NKAIN3: variants seen among roughly 807,000 people sequenced by gnomAD.
NKAIN3 encodes sodium/potassium-transporting ATPase subunit beta-1-interacting protein 3.
NKAIN3 carries 25 observed loss-of-function variants against 30.2 expected under a neutral mutation model. The ratio of observed to expected loss-of-function variants is 0.83; its 90% CI spans 0.60 to 1.16. The LOEUF is 1.16. Ranked by LOEUF, NKAIN3 falls within the 50% of genes most tolerant of loss-of-function variation. The pLI is 0.00. For synonymous variants in NKAIN3, 91 were observed against 89.6 expected, an observed-to-expected ratio of 1.02 and a Z score of -0.09; for missense variants, 225 against 254.1, an observed-to-expected ratio of 0.89 and a Z score of 0.78.
intron 1 of NKAIN3, among the ~76,000 whole-genome samples, chr8:62,275,816 A>G (rs1308846354): frequency 6.6e-6 from 1 of 152,184 alleles, no homozygotes; most frequent in Non-Finnish European, 1.5e-5. Flanking sequence ...TGGAGATAAT[A>G]TATTGAATAG....
At chr8:62,516,726 A>G (rs1245382597) in intron 1 of NKAIN3, among the ~76,000 whole-genome samples, 1 of 152,134 alleles carries the variant, frequency 6.6e-6, no homozygotes, top group African/African-American at 2.4e-5. Flanking sequence ...TGGCTAAGTT[A>G]TTCCCTAGAA....
chr8:62,840,821 C>T (rs1435640652), intron 4 of NKAIN3, among the ~76,000 whole-genome samples: 2 of 152,078 alleles, frequency 1.3e-5, no homozygotes, highest in African/African-American at 4.8e-5. Flanking sequence ...CTACTGAGAA[C>T]ATCTGAGAAA....
chr8:62,644,833 T>C (rs2130310437), intron 3 of NKAIN3, among the ~76,000 whole-genome samples: 1 of 152,300 alleles, frequency 6.6e-6, no homozygotes, highest in South Asian at 2.1e-4. Context: ...TAATAACTGG[T>C]TGCTGATCAA....
chr8:62,427,371 A>G (rs1804839505), intron 1 of NKAIN3, among the ~76,000 whole-genome samples: 2 of 152,014 alleles, frequency 1.3e-5, no homozygotes, highest in African/African-American at 2.4e-5. Flanking sequence ...TTCTGAGGCT[A>G]TGATGTGGAC....
intron 1 of NKAIN3, among the ~76,000 whole-genome samples, chr8:62,254,947 G>A (rs1812218808): frequency 6.6e-6 from 1 of 152,138 alleles, no homozygotes; most frequent in South Asian, 2.1e-4. Context: ...TTGTTTTTAT[G>A]AACAATTGAG....
chr8:62,342,235 C>CAAAAAAA (rs3058285), intron 1 of NKAIN3, among the ~76,000 whole-genome samples: 2 of 124,778 alleles, frequency 1.6e-5, no homozygotes, highest in African/African-American at 3.2e-5. Context: ...ACCACTGAAC[C>CAAAAAAA]AAAAAAAAAA....
At chr8:62,785,154 G>C (rs969712844) in intron 4 of NKAIN3, among the ~76,000 whole-genome samples, 2 of 152,042 alleles carry the variant, frequency 1.3e-5, no homozygotes. Context: ...ACAAAAATTT[G>C]TACACAAATG....
At chr8:62,501,230 G>A (rs963081998) in intron 1 of NKAIN3, among the ~76,000 whole-genome samples, 1 of 152,020 alleles carries the variant, frequency 6.6e-6, no homozygotes, top group Non-Finnish European at 1.5e-5. Flanking sequence ...GGGAGATAAA[G>A]GAAGAAATCA....
chr8:62,879,969 G>C (rs923128055), intron 4 of NKAIN3, among the ~76,000 whole-genome samples: 5 of 152,090 alleles, frequency 3.3e-5, no homozygotes, highest in African/African-American at 1.2e-4. Flanking sequence ...CATCTTCTGA[G>C]ATCACCTTAT....
At position 62,886,579 on chromosome 8, in the gene NKAIN3, C is replaced by A. The variant is rs553820979; in HGVS notation, c.472-31874C>A. 1.6e-3 allele frequency among the ~76,000 whole-genome samples: 242 copies of A among 152,012 alleles called. 1 individual carries two copies. Among genetic ancestry groups the A allele is most frequent in the Middle Eastern group, 6.8e-3 (2 of 294 alleles). On this transcript the variant is annotated intron_variant, in intron 4 of 6. Transcript: ENST00000623646. ...TTATTTTATAATAAAATCTTTATTT[C>A]TTCTTCAGTTTAAAGGGATAATTTC...
At chr8:62,652,462 C>A (rs1399516531) in intron 3 of NKAIN3, among the ~76,000 whole-genome samples, 1 of 152,246 alleles carries the variant, frequency 6.6e-6, no homozygotes, top group South Asian at 2.1e-4. Context: ...CATTTGTTCT[C>A]ACAATAAAGA....
intron 4 of NKAIN3, among the ~76,000 whole-genome samples, chr8:62,788,421 A>G (rs1326148681): frequency 1.3e-5 from 2 of 152,006 alleles, no homozygotes; most frequent in African/African-American, 2.4e-5. Context: ...TTCATTGTAG[A>G]TTCTGGATAT....
chr8:62,920,515 C>A (rs7014483), intron 5 of NKAIN3, among the ~76,000 whole-genome samples: 80,786 of 152,006 alleles, frequency 0.53, 21,824 homozygotes, highest in East Asian at 0.71. Context: ...CTTCTGTTAA[C>A]TTTCTATTAG....
At chr8:62,256,260 T>A (rs1017894281) in intron 1 of NKAIN3, among the ~76,000 whole-genome samples, 5 of 150,948 alleles carry the variant, frequency 3.3e-5, no homozygotes, top group East Asian at 2.0e-4. Flanking sequence ...AAAAAAAAAA[T>A]TTAAAAAAAA....
chr8:62,358,085 C>T (rs558107648), intron 1 of NKAIN3, among the ~76,000 whole-genome samples: 10 of 152,086 alleles, frequency 6.6e-5, no homozygotes, highest in African/African-American at 1.4e-4. Context: ...GATGGGAAAG[C>T]GGCATAAGGT....
intron 1 of NKAIN3, among the ~76,000 whole-genome samples, chr8:62,282,769 T>C (rs1813246951): frequency 6.6e-6 from 1 of 152,170 alleles, no homozygotes; most frequent in Non-Finnish European, 1.5e-5. Context: ...TTTTTGAATA[T>C]TCAAGTTTCT....
intron 3 of NKAIN3, among the ~76,000 whole-genome samples, chr8:62,669,024 C>G (rs1813216576): frequency 6.6e-6 from 1 of 152,156 alleles, no homozygotes; most frequent in South Asian, 2.1e-4. Flanking sequence ...GTCTACCACT[C>G]AGATCTCCCT....
intron 4 of NKAIN3, among the ~76,000 whole-genome samples, chr8:62,801,720 C>A (rs984306168): frequency 1.2e-4 from 19 of 152,326 alleles, no homozygotes; most frequent in African/African-American, 4.6e-4. Flanking sequence ...GCCTCTCCTC[C>A]TCCAAAGGAA....
At chr8:62,605,896 A>C (rs1811110353) in intron 3 of NKAIN3, among the ~76,000 whole-genome samples, 1 of 152,124 alleles carries the variant, frequency 6.6e-6, no homozygotes, top group South Asian at 2.1e-4. Flanking sequence ...AATAAAATGT[A>C]GTGAGAATTA....
Sources: allele counts gnomAD v4.1 joint callset (sites outside exome capture counted in the v4.1 genomes callset), GRCh38; gene constraint gnomAD v4.1.1; transcripts MANE v1.5; gene names NCBI Gene and HGNC (gene_info 2026-07-23, HGNC 2026-07-21).